ATRNL1: variants seen among roughly 807,000 people sequenced by gnomAD.
The protein encoded by ATRNL1 is attractin-like protein 1.
A neutral mutation model predicts 182.7 loss-of-function variants in ATRNL1; 95 were observed. The observed-to-expected ratio is 0.52, with a 90% confidence interval of 0.44 to 0.62. ATRNL1 has a LOEUF of 0.62. Ranked by LOEUF, ATRNL1 falls within the 20% of genes least tolerant of loss-of-function variation. ATRNL1 has a pLI of 0.00. For synonymous variants in ATRNL1, 576 were observed against 568.3 expected (o/e 1.01, Z -0.19); for missense variants, 1,471 against 1,679.5 (o/e 0.88, Z 2.17).
At chr10:115,125,140 G>A (rs1844910286) in intron 3 of ATRNL1, among the ~76,000 whole-genome samples, 2 of 152,110 alleles carry the variant, frequency 1.3e-5, no homozygotes, top group African/African-American at 4.8e-5. Flanking sequence ...AGGATACGTA[G>A]GAGTCACATT....
At chr10:115,386,661 TTTTTA>T (rs1554952709) in intron 19 of ATRNL1, among the ~76,000 whole-genome samples, 2 of 151,974 alleles carry the variant, frequency 1.3e-5, no homozygotes, top group African/African-American at 4.8e-5. Flanking sequence ...TTTTTTTTTA[TTTTTA>T]TTTTATTATT....
At chr10:115,529,844 T>A (rs1194505554) in intron 25 of ATRNL1, among the ~76,000 whole-genome samples, 1 of 152,100 alleles carries the variant, frequency 6.6e-6, no homozygotes, top group African/African-American at 2.4e-5. Flanking sequence ...TTAGAACATA[T>A]CATCATCCCC....
chr10:115,152,167 T>G (rs1554880852), intron 5 of ATRNL1, among the ~76,000 whole-genome samples: 2 of 152,216 alleles, frequency 1.3e-5, no homozygotes, highest in African/African-American at 4.8e-5. Flanking sequence ...AGCTTTGTTC[T>G]TTTGGCTTAG....
intron 26 of ATRNL1, among the ~76,000 whole-genome samples, chr10:115,587,186 A>C (rs531809869): frequency 6.6e-6 from 1 of 150,568 alleles, no homozygotes; most frequent in African/African-American, 2.4e-5. Flanking sequence ...TTAAATCTGC[A>C]GAGGTTACTG....
rs543403056 is a variant in ATRNL1 at position 115,639,564 on chromosome 10, G to T, written c.3796-87684G>T. On this transcript the variant is annotated intron_variant, in intron 26 of 28. Transcript: ENST00000355044. ...GATATTTAAAAGTTGAGAAGGTAAA[G>T]GTAAAAATTGGACATGTGGTTTCAC... Among the ~76,000 whole-genome samples the T allele has an allele frequency of 4.9e-4, 75 of 152,270 alleles. 2 individuals are homozygous for T. The South Asian group carries it at 0.015, about 30-fold the overall frequency.
At chr10:115,394,256 G>A (rs1844176958) in intron 19 of ATRNL1, among the ~76,000 whole-genome samples, 1 of 151,956 alleles carries the variant, frequency 6.6e-6, no homozygotes, top group South Asian at 2.1e-4. Context: ...GCATAAACAG[G>A]TTAAGTAAAT....
intron 25 of ATRNL1, among the ~76,000 whole-genome samples, chr10:115,535,930 G>A (rs7914152): frequency 0.028 from 4,277 of 151,872 alleles, 291 homozygotes; most frequent in African/African-American, 0.099. Context: ...GCAGATTTTC[G>A]TGAACCACGA....
chr10:115,691,418 T>C (rs1243683472), intron 26 of ATRNL1, among the ~76,000 whole-genome samples: 1 of 152,158 alleles, frequency 6.6e-6, no homozygotes, highest in Non-Finnish European at 1.5e-5. Flanking sequence ...TTGTATACCT[T>C]CTTTGAAAAA....
chr10:115,905,099 C>T (rs1555114267), intron 28 of ATRNL1, among the ~76,000 whole-genome samples: 1 of 152,162 alleles, frequency 6.6e-6, no homozygotes, highest in East Asian at 1.9e-4. Context: ...CTTACCCAAA[C>T]GAGAAAGTGA....
At chr10:115,171,362 T>A (rs1564795133) in intron 8 of ATRNL1, 70 bp downstream of exon 8, 2 of 1,366,484 alleles carry the variant, frequency 1.5e-6, no homozygotes, top group African/African-American at 2.9e-5. Flanking sequence ...AATCTTCATA[T>A]GAATTTAGTC....
At chr10:115,691,550 C>T (rs1205516528) in intron 26 of ATRNL1, among the ~76,000 whole-genome samples, 3 of 152,066 alleles carry the variant, frequency 2.0e-5, no homozygotes, top group Admixed American at 6.6e-5. Context: ...GGCAAAACTC[C>T]GTCTCTACAA....
At chr10:115,850,663 AT>A (rs1951033728) in intron 28 of ATRNL1, among the ~76,000 whole-genome samples, 1 of 152,208 alleles carries the variant, frequency 6.6e-6, no homozygotes, top group African/African-American at 2.4e-5. Context: ...CAGTTAATAA[AT>A]TATTTTGATA....
chr10:115,366,565 T>A (rs1471929247), intron 19 of ATRNL1, among the ~76,000 whole-genome samples: 1 of 151,480 alleles, frequency 6.6e-6, no homozygotes, highest in Non-Finnish European at 1.5e-5. Flanking sequence ...GTCATTATGA[T>A]GTTAGCTGGT....
intron 22 of ATRNL1, among the ~76,000 whole-genome samples, chr10:115,464,097 C>G (rs1408386639): frequency 1.3e-5 from 2 of 151,972 alleles, no homozygotes; most frequent in African/African-American, 2.4e-5. Context: ...TTTCTACTAT[C>G]TTGTCCAGTT....
At chr10:115,374,511 C>A (rs962310117) in intron 19 of ATRNL1, among the ~76,000 whole-genome samples, 40 of 128,952 alleles carry the variant, frequency 3.1e-4, no homozygotes, top group African/African-American at 1.2e-3. Context: ...CTTCCTCCTT[C>A]TTCCTTCTTT....
intron 7 of ATRNL1, among the ~76,000 whole-genome samples, chr10:115,170,437 G>T (rs1554885257): frequency 6.6e-6 from 1 of 152,122 alleles, no homozygotes; most frequent in Non-Finnish European, 1.5e-5. Flanking sequence ...GGCATGTGGT[G>T]TCTGTCTATA....
intron 27 of ATRNL1, among the ~76,000 whole-genome samples, chr10:115,802,690 G>T (rs1055178382): frequency 2.0e-5 from 3 of 152,128 alleles, no homozygotes; most frequent in African/African-American, 7.2e-5. Flanking sequence ...CTCTTGCCTT[G>T]TGGGACTTGG....
At chr10:115,098,302 T>C (rs2085066390) in intron 1 of ATRNL1, among the ~76,000 whole-genome samples, 1 of 152,096 alleles carries the variant, frequency 6.6e-6, no homozygotes, top group Admixed American at 6.5e-5. Flanking sequence ...TCCTTTCCTC[T>C]GCCCTGACTG....
Position 115,301,864 on chromosome 10 carries a change from A to C in ATRNL1, c.2639A>C (p.Asn880Thr). 6.2e-7 allele frequency: 1 copy of C among 1,603,870 alleles called. No homozygotes were observed. Among genetic ancestry groups the C allele is most frequent in the East Asian group, 2.2e-5 (1 of 44,628 alleles). The part of the protein sequence containing the change: ...LVCEKPVVSP[N>T]QNARPCKKPC... ...TGTTTATTTATTCCAGTTAGTCCAA[A>C]TCAAAATGCGAGGCCGTGCAAAAAG... The change falls in exon 17 of 29, where the codon AAT becomes ACT. Residue 880 changes from asparagine to threonine, a missense_variant. By Grantham distance (65) the Asn-to-Thr change is moderately conservative. This residue lies in a region of ATRNL1 where 1,031 missense variants were observed against 1,156.0 expected (regional missense o/e 0.89). Transcript: ENST00000355044.
Sources: gnomAD v4.1 joint callset for allele counts (sites outside exome capture counted in the v4.1 genomes callset) on GRCh38, gnomAD v4.1.1 for gene constraint, gnomAD v4.1.1 regional missense constraint, MANE v1.5 for transcripts, NCBI Gene and HGNC (gene_info 2026-07-23, HGNC 2026-07-21) for gene names.